Variants in MERTK observed in about 807,000 individuals in gnomAD.
MERTK encodes the protein tyrosine-protein kinase Mer.
Under a neutral mutation model 99.3 loss-of-function variants are expected in MERTK, and 69 were observed. That is an observed-to-expected ratio of 0.70 (90% CI 0.57 to 0.85). MERTK has a LOEUF of 0.85. Ranked by LOEUF, MERTK falls within the 40% of genes least tolerant of loss-of-function variation. The probability of loss-of-function intolerance (pLI) is 0.00; values close to 1 mark genes in which losing one functional copy is unlikely to be tolerated. For missense variants in MERTK, 1,125 were observed against 1,249.4 expected (o/e 0.90, Z 1.50); for synonymous variants, 426 against 467.6 (o/e 0.91, Z 1.15).
rs1677082193 is a variant in MERTK, at chr2:112,010,720, C to CTGAAACAAAACAGTTTTG, written c.2079+655_2079+656insGAAACAAAACAGTTTTGT. ...ATCATAGCCACTGGGGACATTGTAT[C>CTGAAACAAAACAGTTTTG]TTTCATTTCCTAGGCCTCCTTATCT... On this transcript the variant is annotated intron_variant, in intron 15 of 18. Transcript: ENST00000295408. Among the ~76,000 whole-genome samples the CTGAAACAAAACAGTTTTG allele has an allele frequency of 3.3e-5, 5 of 152,166 alleles. No individual in the cohort carries two copies. In the South Asian group the frequency reaches 1.0e-3, roughly 32 times the overall value.
At chr2:111,944,922 T>G (rs775100385) in intron 2 of MERTK, 38 bp from the exon 3 acceptor site, 2 of 1,525,482 alleles carry the variant, frequency 1.3e-6, no homozygotes, top group Non-Finnish European at 1.8e-6. Flanking sequence ...ACTCAAAGGG[T>G]AGTCACTGTA....
At chr2:111,973,748 C>A (rs1462358377) in intron 6 of MERTK, among the ~76,000 whole-genome samples, 3 of 151,926 alleles carry the variant, frequency 2.0e-5, no homozygotes, top group African/African-American at 7.3e-5. Context: ...AGAACAAAAT[C>A]CCATACTCTC....
intron 8 of MERTK, among the ~76,000 whole-genome samples, chr2:111,984,047 A>G (rs1316625678): frequency 6.6e-6 from 1 of 152,234 alleles, no homozygotes; most frequent in African/African-American, 2.4e-5. Context: ...ACGATCTGCC[A>G]TCTGGAAGCT....
At chr2:111,994,759 CAG>C (rs1676699506) in intron 9 of MERTK, 1 of 235,396 alleles carries the variant, frequency 4.2e-6, no homozygotes, top group South Asian at 5.0e-5. Flanking sequence ...AGCTAGGTAA[CAG>C]AGTGAGACCC....
chr2:111,965,397 T>A, intron 5 of MERTK, 120 bp downstream of exon 5: 2 of 948,940 alleles, frequency 2.1e-6, no homozygotes, highest in Non-Finnish European at 3.4e-6. Flanking sequence ...AGGTTCTTTG[T>A]GACCTTGGAC....
In MERTK at chr2:111,898,640, G is replaced by A. The variant is rs1683970189; in HGVS notation, c.-96G>A. The A allele has an allele frequency of 6.9e-7, 1 of 1,453,370 alleles. No individual in the cohort carries two copies. Among genetic ancestry groups the A allele is most frequent in the South Asian group, 1.2e-5 (1 of 81,858 alleles). 90.0% of individuals were successfully genotyped at this position (1,453,370 alleles called of 1,614,324 possible). A position where few individuals can be genotyped will look rare whatever the true frequency, so the allele number is the denominator to read the frequency against. ...CTCACTGCCCGGGCCGCCCGGACAGGGAGCTTCGCTGGCGCGCTTGGCCGG... is the reference window on the plus strand; with the variant it reads ...CTCACTGCCCGGGCCGCCCGGACAGAGAGCTTCGCTGGCGCGCTTGGCCGG... On this transcript the variant is annotated 5_prime_UTR_variant, in exon 1 of 19. Transcript: ENST00000295408.
At chr2:112,023,152 C>T (rs368818337) in intron 18 of MERTK, among the ~76,000 whole-genome samples, 2 of 152,172 alleles carry the variant, frequency 1.3e-5, no homozygotes, top group East Asian at 3.9e-4. Flanking sequence ...CGGTGGCTCA[C>T]GCTTGTAATC....
chr2:111,898,832 G>C, intron 1 of MERTK, 36 bp downstream of exon 1: 1 of 1,562,238 alleles, frequency 6.4e-7, no homozygotes, highest in Non-Finnish European at 8.7e-7. Flanking sequence ...GCGAGGGGGT[G>C]GGGGCTCCCA....
In MERTK at chr2:112,028,372, C is replaced by T; in HGVS notation, c.2508C>T (p.Cys836=). The T allele has an allele frequency of 6.2e-7, 1 of 1,614,182 alleles. No individual in the cohort carries two copies. Among genetic ancestry groups the T allele is most frequent in the Non-Finnish European group, 8.5e-7 (1 of 1,180,024 alleles). ...LDELYEIMYS[C]WRTDPLDRPT... Reference sequence around the variant, plus strand: ...TCAGGTATGAAATAATGTACTCTTGCTGGAGAACCGATCCCTTAGACCGCC... The same window carrying T: ...TCAGGTATGAAATAATGTACTCTTGTTGGAGAACCGATCCCTTAGACCGCC... Residue 836 remains cysteine, a synonymous_variant, in exon 19 of 19, where the codon TGC becomes TGT. Coordinates refer to ENST00000295408, the MANE Select transcript of MERTK (RefSeq NM_006343.3).
intron 13 of MERTK, among the ~76,000 whole-genome samples, chr2:112,007,187 CT>C (rs1201194931): frequency 1.3e-5 from 2 of 152,332 alleles, no homozygotes; most frequent in Non-Finnish European, 1.5e-5. Flanking sequence ...CGGAGTCTCG[CT>C]CTGTTGCCCA....
chr2:112,029,391 C>A lies in MERTK; in HGVS notation c.*527C>A. ...AAGGATATGTTGAACTTACTTGAGA[C>A]TTGAAAGACAGTGGTCGGCAGCGGC... is the stretch of plus-strand genomic sequence containing the variant. On this transcript the variant is annotated 3_prime_UTR_variant, in exon 19 of 19. Transcript: ENST00000295408. 1.1e-6 allele frequency: 1 copy of A among 924,816 alleles called. No homozygotes were observed. Among genetic ancestry groups the A allele is most frequent in the Non-Finnish European group, 1.3e-6 (1 of 774,664 alleles). The allele number at this position is 924,816 out of a possible 1,614,324, so 57.3% of individuals were successfully genotyped here.
intron 1 of MERTK, among the ~76,000 whole-genome samples, chr2:111,909,957 C>T (rs367720488): frequency 1.0e-3 from 153 of 152,266 alleles, no homozygotes; most frequent in African/African-American, 3.6e-3. Flanking sequence ...ATCAGTATAT[C>T]AAAAAGACAT....
intron 16 of MERTK, chr2:112,020,759 C>A: frequency 2.2e-6 from 1 of 448,704 alleles, no homozygotes; most frequent in Admixed American, 2.7e-5. Context: ...CTGGATCAGT[C>A]CACCAGAGGG....
chr2:111,929,690 G>A (rs1469471293), intron 2 of MERTK, 150 bp downstream of exon 2: 5 of 539,628 alleles, frequency 9.3e-6, no homozygotes, highest in Non-Finnish European at 1.1e-5. Context: ...GAGTTCAAAC[G>A]ATTCTCCTGC....
chr2:111,912,584 T>C (rs1047942870), intron 1 of MERTK, among the ~76,000 whole-genome samples: 2 of 152,190 alleles, frequency 1.3e-5, no homozygotes, highest in African/African-American at 4.8e-5. Flanking sequence ...AGCCCCATTA[T>C]ATGTTGCCAG....
chr2:111,906,725 C>T (rs1441882964), intron 1 of MERTK, among the ~76,000 whole-genome samples: 2 of 152,164 alleles, frequency 1.3e-5, no homozygotes, highest in Non-Finnish European at 2.9e-5. Context: ...AAGCAATGTT[C>T]TTTGAAAGTT....
At chr2:111,939,111 T>C (rs1443724003) in intron 2 of MERTK, among the ~76,000 whole-genome samples, 1 of 152,180 alleles carries the variant, frequency 6.6e-6, no homozygotes, top group African/African-American at 2.4e-5. Context: ...AGGAAATTTA[T>C]TTCTCACAGT....
At chr2:112,026,647 C>T (rs1351562070) in intron 18 of MERTK, among the ~76,000 whole-genome samples, 6 of 152,196 alleles carry the variant, frequency 3.9e-5, no homozygotes, top group Admixed American at 3.3e-4. Flanking sequence ...TGCGCCGTGC[C>T]GTTGTCTAGG....
At chr2:112,005,498 A>G (rs538433602) in intron 13 of MERTK, among the ~76,000 whole-genome samples, 1 of 152,338 alleles carries the variant, frequency 6.6e-6, no homozygotes, top group Non-Finnish European at 1.5e-5. Context: ...CTGGCAGAGC[A>G]AGGCAGCATT....
Sources: allele counts gnomAD v4.1 joint callset (sites outside exome capture counted in the v4.1 genomes callset), GRCh38; gene constraint gnomAD v4.1.1; transcripts MANE v1.5; gene names NCBI Gene and HGNC (gene_info 2026-07-23, HGNC 2026-07-21).